MERTK: variants seen among roughly 807,000 people sequenced by gnomAD.
MERTK encodes tyrosine-protein kinase Mer.
A neutral mutation model predicts 99.3 loss-of-function variants in MERTK; 69 were observed. The ratio of observed to expected loss-of-function variants is 0.70; its 90% CI spans 0.57 to 0.85. MERTK has a LOEUF of 0.85. MERTK is among the 40% of genes least tolerant of loss of function. The pLI, the probability that MERTK is intolerant of heterozygous loss-of-function variation, is 0.00. For missense variants in MERTK, 1,125 were observed against 1,249.4 expected, an observed-to-expected ratio of 0.90 and a Z score of 1.50; for synonymous variants, 426 against 467.6, an observed-to-expected ratio of 0.91 and a Z score of 1.15.
intron 7 of MERTK, among the ~76,000 whole-genome samples, chr2:111,976,916 GATTTATACCATTTCACATAT>G (rs936763273): frequency 1.3e-5 from 2 of 151,968 alleles, no homozygotes; most frequent in African/African-American, 4.8e-5. Context: ...ACCTTCAAGT[GATTTATACCATTTCACATAT>G]ATTCCATTTT....
intron 8 of MERTK, among the ~76,000 whole-genome samples, chr2:111,985,089 C>T (rs1253456095): frequency 6.6e-6 from 1 of 152,138 alleles, no homozygotes; most frequent in Non-Finnish European, 1.5e-5. Flanking sequence ...TTCACAGTGG[C>T]AAACAAAAGG....
chr2:112,027,163 T>A (rs1677479978), intron 18 of MERTK, among the ~76,000 whole-genome samples: 1 of 149,538 alleles, frequency 6.7e-6, no homozygotes, highest in Non-Finnish European at 1.5e-5. Flanking sequence ...TTTTAAAATT[T>A]TATATATATA....
intron 15 of MERTK, among the ~76,000 whole-genome samples, chr2:112,015,298 G>T (rs1405216927): frequency 6.6e-6 from 1 of 152,188 alleles, no homozygotes; most frequent in Non-Finnish European, 1.5e-5. Flanking sequence ...CAGTGTGTGA[G>T]AAATGCAGTG....
intron 5 of MERTK, among the ~76,000 whole-genome samples, chr2:111,967,592 T>C (rs755960572): frequency 2.6e-5 from 4 of 151,976 alleles, no homozygotes; most frequent in Non-Finnish European, 4.4e-5. Flanking sequence ...TTGAACTGAC[T>C]CTTAGTGTTT....
intron 11 of MERTK, 99 bp downstream of exon 11, chr2:112,001,385 AG>A: frequency 3.2e-6 from 3 of 943,528 alleles, no homozygotes; most frequent in Non-Finnish European, 5.2e-6. Context: ...AAGATGTCGA[AG>A]AAGAATGGAT....
At chr2:112,014,204 G>C (rs771074609) in intron 15 of MERTK, among the ~76,000 whole-genome samples, 1 of 151,960 alleles carries the variant, frequency 6.6e-6, no homozygotes, top group Non-Finnish European at 1.5e-5. Context: ...TGTATTTTTA[G>C]TAGAGACGGG....
intron 6 of MERTK, among the ~76,000 whole-genome samples, chr2:111,972,550 A>G (rs1391481530): frequency 6.6e-6 from 1 of 152,190 alleles, no homozygotes; most frequent in Non-Finnish European, 1.5e-5. Flanking sequence ...GTACACATGA[A>G]GAAGCATCCT....
In MERTK at chr2:111,947,494, C is replaced by T. The variant is rs777587605; in HGVS notation, c.684C>T (p.Asn228=). 3.7e-6 allele frequency: 6 copies of T among 1,614,222 alleles called. No homozygotes were observed. The highest frequency in any genetic ancestry group is 5.1e-6 in the Non-Finnish European group (6 of 1,180,038). The change falls in exon 4 of 19, where the codon AAC becomes AAT. Residue 228 remains asparagine, a synonymous_variant. Coordinates refer to ENST00000295408, the MANE Select transcript of MERTK (RefSeq NM_006343.3). ...CQAVGPPEPV[N]IFWVQNSSRV... is the part of the protein sequence containing the mutation. ...CTGTGGGCCCGCCTGAGCCCGTCAA[C>T]ATTTTCTGGGTTCAAAACAGTAGCC... is the stretch of plus-strand genomic sequence containing the variant.
intron 10 of MERTK, among the ~76,000 whole-genome samples, chr2:111,998,099 C>T (rs2104402593): frequency 6.6e-6 from 1 of 152,324 alleles, no homozygotes; most frequent in South Asian, 2.1e-4. Flanking sequence ...GAACATCCCA[C>T]TCGCTCCAAG....
intron 1 of MERTK, among the ~76,000 whole-genome samples, chr2:111,919,345 A>T (rs1313472982): frequency 3.4e-5 from 5 of 145,860 alleles, no homozygotes; most frequent in African/African-American, 1.2e-4. Flanking sequence ...CATTAGAATC[A>T]TAAGAGGAGA....
chr2:111,974,769 C>CAAAAAAAAAAAAAAAAAAAAAAAAAAA (rs35594851), intron 6 of MERTK, among the ~76,000 whole-genome samples: 2 of 53,366 alleles, frequency 3.7e-5, no homozygotes, highest in Non-Finnish European at 6.6e-5. Context: ...AGGTCCATCT[C>CAAAAAAAAAAAAAAAAAAAAAAAAAAA]AAAAAAAAAA....
At position 111,915,242 on chromosome 2, in the gene MERTK, T is replaced by G. The variant is rs140188291; in HGVS notation, c.62-13878T>G. On this transcript the variant is annotated intron_variant, in intron 1 of 18. Coordinates refer to ENST00000295408, the MANE Select transcript of MERTK (RefSeq NM_006343.3). ...TCTATGGTGATTTCCCCTGTTTTAT[T>G]CCTGATATTAACAATTTGTCTTCTC... Among the ~76,000 whole-genome samples the G allele has an allele frequency of 6.8e-3, 1,030 of 152,330 alleles. 12 individuals are homozygous for G. Among genetic ancestry groups the G allele is most frequent in the African/African-American group, 0.024 (994 of 41,572 alleles).
At chr2:111,955,293 C>T (rs17175331) in intron 4 of MERTK, among the ~76,000 whole-genome samples, 36,281 of 152,116 alleles carry the variant, frequency 0.24, 4,660 homozygotes, top group South Asian at 0.32. Flanking sequence ...AAAAGAAGTA[C>T]TTTGTCTAAA....
chr2:112,015,760 G>T (rs1271042920), intron 15 of MERTK: 1 of 153,738 alleles, frequency 6.5e-6, no homozygotes, highest in South Asian at 2.0e-4. Context: ...CTAGTAAAAA[G>T]ATTTTCTCCT....
At chr2:112,011,952 G>A (rs1677113710) in intron 15 of MERTK, among the ~76,000 whole-genome samples, 1 of 152,128 alleles carries the variant, frequency 6.6e-6, no homozygotes, top group Non-Finnish European at 1.5e-5. Context: ...AGGGAGCTAT[G>A]GGCACCAGGA....
At chr2:112,010,172 C>T (rs1288596074) in intron 15 of MERTK, 106 bp downstream of exon 15, 3 of 901,264 alleles carry the variant, frequency 3.3e-6, no homozygotes, top group African/African-American at 1.6e-5. Flanking sequence ...AAGGAGAGGA[C>T]GTTGACTTTT....
chr2:111,990,454 G>A (rs1017681713), intron 8 of MERTK, among the ~76,000 whole-genome samples: 2 of 152,164 alleles, frequency 1.3e-5, no homozygotes, highest in Admixed American at 6.5e-5. Flanking sequence ...TGATGGCAAC[G>A]GCTATGATGC....
intron 4 of MERTK, among the ~76,000 whole-genome samples, chr2:111,962,411 G>A (rs1336387033): frequency 6.6e-6 from 1 of 152,158 alleles, no homozygotes; most frequent in African/African-American, 2.4e-5. Context: ...GAAGGCCGAG[G>A]CAGGAGAATC....
intron 2 of MERTK, among the ~76,000 whole-genome samples, chr2:111,934,017 C>G (rs1231842534): frequency 1.3e-5 from 2 of 152,044 alleles, no homozygotes; most frequent in African/African-American, 4.8e-5. Flanking sequence ...ATGACGGTTT[C>G]CAGCGTCATC....
Sources: allele counts gnomAD v4.1 joint callset (sites outside exome capture counted in the v4.1 genomes callset), GRCh38; gene constraint gnomAD v4.1.1; transcripts MANE v1.5; gene names NCBI Gene and HGNC (gene_info 2026-07-23, HGNC 2026-07-21).